EPS8L1: variants seen among roughly 807,000 people sequenced by gnomAD.
The protein encoded by EPS8L1 is EPS8 signaling adaptor L1.
A neutral mutation model predicts 91.7 loss-of-function variants in EPS8L1; 101 were observed. The observed-to-expected ratio is 1.10, with a 90% confidence interval of 0.94 to 1.30. The LOEUF (loss-of-function observed/expected upper bound fraction) is 1.30, where lower values mean the gene tolerates loss of function less well. EPS8L1 is among the 50% of genes most tolerant of loss of function. The pLI, the probability that EPS8L1 is intolerant of heterozygous loss-of-function variation, is 0.00. For missense variants in EPS8L1, 1,114 were observed against 1,017.0 expected, an observed-to-expected ratio of 1.10 and a Z score of -1.30; for synonymous variants, 506 against 445.3, an observed-to-expected ratio of 1.14 and a Z score of -1.72.
At chr19:55,080,063 TC>T (rs2076220810) in intron 5 of EPS8L1, 65 bp from the exon 6 acceptor site, 1 of 1,456,534 alleles carries the variant, frequency 6.9e-7, no homozygotes, top group South Asian at 1.4e-5. Context: ...TGGCCCACAC[TC>T]CCGTCGCCAT....
At position 55,085,901 on chromosome 19, in the gene EPS8L1, G is replaced by A. The variant is rs1175100039; in HGVS notation, c.1446G>A (p.Trp482Ter). Reference protein sequence around the residue: ...PQLESETAGKWVLCNYDFQAR... With the variant: ...PQLESETAGK ...TGGAGTCAGAGACAGCAGGAAAATGGGTCCTGTGTAATTATGACTTCCAGG... is the reference window on the plus strand; with the variant it reads ...TGGAGTCAGAGACAGCAGGAAAATGAGTCCTGTGTAATTATGACTTCCAGG... Residue 482 changes from tryptophan to a stop codon, truncating the protein, a stop_gained, in exon 15 of 20, where the codon TGG becomes TGA. Coordinates refer to ENST00000201647, the MANE Select transcript of EPS8L1 (RefSeq NM_133180.3). LOFTEE classifies it high-confidence loss of function. 25 of 1,613,504 alleles carry A rather than the reference G, an allele frequency of 1.5e-5. No homozygotes were observed. The highest frequency in any genetic ancestry group is 2.1e-5 in the Non-Finnish European group (25 of 1,179,814).
intron 5 of EPS8L1, 105 bp from the exon 6 acceptor site, chr19:55,080,024 C>G: frequency 6.9e-7 from 1 of 1,443,894 alleles, no homozygotes. Flanking sequence ...TCCCTAACCC[C>G]CTAACCGCCT....
Position 55,086,900 on chromosome 19 carries a change from C to T in EPS8L1, c.1952+12C>T, listed in dbSNP as rs1568798403. 7.8e-6 allele frequency: 11 copies of T among 1,418,430 alleles called. No individual in the cohort carries two copies. Among genetic ancestry groups the T allele is most frequent in the Non-Finnish European group, 9.2e-6 (10 of 1,091,320 alleles). The allele number at this position is 1,418,430 out of a possible 1,614,324, so 87.9% of individuals were successfully genotyped here. A position where few individuals can be genotyped will look rare whatever the true frequency, so the allele number is the denominator to read the frequency against. On this transcript the variant is annotated intron_variant, in intron 18 of 19. Coordinates refer to ENST00000201647, the MANE Select transcript of EPS8L1 (RefSeq NM_133180.3). Reference sequence around the variant, plus strand: ...GGCTTTAGCTCCGGGTGAGTGGGGCCGGGGCCCTCTCGGCGCGGGTTGATA... The same window carrying T: ...GGCTTTAGCTCCGGGTGAGTGGGGCTGGGGCCCTCTCGGCGCGGGTTGATA...
At chr19:55,079,527 A>C in intron 4 of EPS8L1, 163 bp from the exon 5 acceptor site, 1 of 797,540 alleles carries the variant, frequency 1.3e-6, no homozygotes, top group Non-Finnish European at 1.9e-6. Context: ...AAGGGAAACA[A>C]AGGGCACTGG....
Position 55,087,425 on chromosome 19 carries a change from C to A in EPS8L1, c.2075C>A (p.Ser692Ter), listed in dbSNP as rs138489699. The A allele has an allele frequency of 6.2e-6, 10 of 1,614,096 alleles. No homozygotes were observed. Among genetic ancestry groups the A allele is most frequent in the East Asian group, 2.2e-5 (1 of 44,854 alleles). The stretch of plus-strand genomic sequence containing the variant: ...TACAGCCAGGTCACCGTGCAGCGCT[C>A]GCTGCTGGAGGTGAGCCGGACCGCT... ...RVYSQVTVQR[S>*]LLEDKEKVSE... The change falls in exon 19 of 20, where the codon TCG becomes TAG. Residue 692 changes from serine to a stop codon, truncating the protein, a stop_gained. Transcript: ENST00000201647. LOFTEE classifies it high-confidence loss of function.
Position 55,082,112 on chromosome 19 carries a change from G to T in EPS8L1, c.922G>T (p.Ala308Ser). 6.3e-7 allele frequency: 1 copy of T among 1,598,566 alleles called. No homozygotes were observed. Among genetic ancestry groups the T allele is most frequent in the Non-Finnish European group, 8.5e-7 (1 of 1,173,190 alleles). ...CTCAGAGGGCTTGCTGACGCTGCGG[G>T]CCAAGCCGCCCTCGGAGGCCGAGTA... is the stretch of plus-strand genomic sequence containing the variant. ...AAGEGLLTLRAKPPSEAEYTD... is the reference protein window; with the variant it reads ...AAGEGLLTLRSKPPSEAEYTD... Residue 308 changes from alanine (A) to serine (S), a missense_variant, in exon 10 of 20, where the codon GCC becomes TCC. Coordinates refer to ENST00000201647, the MANE Select transcript of EPS8L1 (RefSeq NM_133180.3).
Position 55,079,805 on chromosome 19 carries a change from T to G in EPS8L1, c.233T>G (p.Leu78Arg). ...QGRVWAQEML[L>R]RVSPDHVTLL... ...CGAGTCTGGGCACAGGAGATGCTGCTGCGAGTGTCTCCCGACCATGTCACG... is the reference window on the plus strand; with the variant it reads ...CGAGTCTGGGCACAGGAGATGCTGCGGCGAGTGTCTCCCGACCATGTCACG... Residue 78 changes from leucine (L) to arginine (R), a missense_variant, in exon 5 of 20, where the codon CTG becomes CGG. By Grantham distance (102) the Leu-to-Arg change is moderately radical. Coordinates refer to ENST00000201647, the MANE Select transcript of EPS8L1 (RefSeq NM_133180.3). 6.2e-7 allele frequency: 1 copy of G among 1,614,064 alleles called. No individual in the cohort carries two copies. Among genetic ancestry groups the G allele is most frequent in the Non-Finnish European group, 8.5e-7 (1 of 1,179,994 alleles).
In EPS8L1 at chr19:55,084,113, G is replaced by T. The variant is rs187021906; in HGVS notation, c.1385+469G>T. On this transcript the variant is annotated intron_variant, in intron 14 of 19. Coordinates refer to ENST00000201647, the MANE Select transcript of EPS8L1 (RefSeq NM_133180.3). ...TGGTGCTTGGGATCCTGGAGACCCAGAGGAGCAGGCTTGGGACTTCAAGGG... is the reference window on the plus strand; with the variant it reads ...TGGTGCTTGGGATCCTGGAGACCCATAGGAGCAGGCTTGGGACTTCAAGGG... 62 of 260,052 alleles carry T rather than the reference G, an allele frequency of 2.4e-4. 1 individual carries two copies. The highest frequency in any genetic ancestry group is 8.7e-4 in the African/African-American group (38 of 43,752). 16.1% of individuals were successfully genotyped at this position (260,052 alleles called of 1,614,324 possible).
chr19:55,078,334 C>G lies in EPS8L1; in HGVS notation c.58+206C>G, dbSNP rs1671166. Among the ~76,000 whole-genome samples the G allele has an allele frequency of 4.8e-3, 400 of 83,698 alleles. 12 individuals are homozygous for G. The highest frequency in any genetic ancestry group is 6.3e-3 in the Non-Finnish European group (288 of 45,810). The allele number at this position is 83,698 out of a possible 152,430, so 54.9% of individuals were successfully genotyped here. A position where few individuals can be genotyped will look rare whatever the true frequency, so the allele number is the denominator to read the frequency against. ...GGTTTGAGGGAGGAGGGGCTGGGGG[C>G]CTGGACTCCTGAGTCAGAGGGAAGA... On this transcript the variant is annotated intron_variant, in intron 3 of 19. Coordinates refer to ENST00000201647, the MANE Select transcript of EPS8L1 (RefSeq NM_133180.3).
intron 17 of EPS8L1, 79 bp from the exon 18 acceptor site, chr19:55,086,635 G>GGGCCCCCCCCCCCCC: frequency 7.6e-7 from 1 of 1,307,666 alleles, no homozygotes; most frequent in Non-Finnish European, 1.1e-6. Flanking sequence ...ACGCTGGAGC[G>GGGCCCCCCCCCCCCC]CCCCCCCGCC....
At chr19:55,087,063 T>G (rs1223561115) in intron 18 of EPS8L1, 175 bp downstream of exon 18, 6 of 1,055,038 alleles carry the variant, frequency 5.7e-6, no homozygotes, top group Non-Finnish European at 6.6e-6. Context: ...ATTGCCATGT[T>G]TTTTCAGACT....
At position 55,083,730 on chromosome 19, in the gene EPS8L1, T is replaced by TC. The variant is rs1950479628; in HGVS notation, c.1385+87dup. 3.3e-6 allele frequency: 5 copies of TC among 1,534,216 alleles called. No individual in the cohort carries two copies. In the South Asian group the frequency reaches 3.6e-5, roughly 11 times the overall value. On this transcript the variant is annotated intron_variant, in intron 14 of 19. Transcript: ENST00000201647. The surrounding 1 kb of genome is among the most constrained non-coding windows in gnomAD (Gnocchi z 4.7). ...CGATGCTGACTCCGCCCCCTTTTTT[T>TC]CTGTGTTTTTCCTTCTGTCTTCCTG...
chr19:55,077,872 C>T (rs1159478062), intron 2 of EPS8L1, among the ~76,000 whole-genome samples: 1 of 150,554 alleles, frequency 6.6e-6, no homozygotes, highest in South Asian at 2.1e-4. Context: ...CAGGCGTGAG[C>T]CACCGCGCCC....
rs2147165983 is a variant in EPS8L1, at chr19:55,086,832, G to A, written c.1896G>A (p.Pro632=). The change falls in exon 18 of 20, where the codon CCG becomes CCA. Residue 632 remains proline, a synonymous_variant. Coordinates refer to ENST00000201647, the MANE Select transcript of EPS8L1 (RefSeq NM_133180.3). ...GCGCCCCGGAACCGCAGCTCAGCCC[G>A]GGCTCGGACGCCTCCGAGGTCCGCG... ...GPRAPEPQLS[P]GSDASEVRAW... 6.5e-7 allele frequency: 1 copy of A among 1,543,946 alleles called. No individual in the cohort carries two copies. Among genetic ancestry groups the A allele is most frequent in the East Asian group, 2.4e-5 (1 of 40,928 alleles).
chr19:55,080,461 G>C, intron 6 of EPS8L1, 183 bp downstream of exon 6: 1 of 1,612,968 alleles, frequency 6.2e-7, no homozygotes, highest in South Asian at 1.1e-5. Context: ...TTGGACCCAG[G>C]GTCAAGATAG....
intron 3 of EPS8L1, 48 bp downstream of exon 3, chr19:55,078,176 G>A (rs10411094): frequency 0.43 from 688,323 of 1,583,938 alleles, 151,873 homozygotes; most frequent in East Asian, 0.53. Context: ...TGGGTCTAAA[G>A]AAACAGGACC....
At chr19:55,086,635 G>GGCCCCCCCCCCC in intron 17 of EPS8L1, 79 bp from the exon 18 acceptor site, 12 of 1,307,690 alleles carry the variant, frequency 9.2e-6, no homozygotes, top group African/African-American at 1.5e-5. Flanking sequence ...ACGCTGGAGC[G>GGCCCCCCCCCCC]CCCCCCCGCC....
intron 17 of EPS8L1, 78 bp from the exon 18 acceptor site, chr19:55,086,636 C>CCCCCCCCCCCCCCCCCCGGGGCCCCCGG: frequency 1.0e-6 from 1 of 956,962 alleles, no homozygotes; most frequent in Non-Finnish European, 1.4e-6. Flanking sequence ...CGCTGGAGCG[C>CCCCCCCCCCCCCCCCCCGGGGCCCCCGG]CCCCCCGCCC....
In EPS8L1 at chr19:55,082,578, T is replaced by A; in HGVS notation, c.1190T>A (p.Leu397Gln). The A allele has an allele frequency of 2.5e-6, 4 of 1,572,712 alleles. No individual in the cohort carries two copies. Among genetic ancestry groups the A allele is most frequent in the Non-Finnish European group, 3.4e-6 (4 of 1,159,464 alleles). Residue 397 changes from leucine to glutamine, a missense_variant, in exon 12 of 20, where the codon CTG becomes CAG. Coordinates refer to ENST00000201647, the MANE Select transcript of EPS8L1 (RefSeq NM_133180.3). ...TPRENELWTS[L>Q]GDSWTRPGLE... is the part of the protein sequence containing the mutation. Reference sequence around the variant, plus strand: ...CGTGAAAACGAGCTCTGGACCTCGCTGGGGGACTCGTGGACCCGCCCCGGG... The same window carrying A: ...CGTGAAAACGAGCTCTGGACCTCGCAGGGGGACTCGTGGACCCGCCCCGGG...
Sources: allele counts gnomAD v4.1 joint callset (sites outside exome capture counted in the v4.1 genomes callset), GRCh38; gene constraint gnomAD v4.1.1; non-coding constraint Gnocchi (gnomAD v3.1); transcripts MANE v1.5; gene names NCBI Gene and HGNC (gene_info 2026-07-23, HGNC 2026-07-21).